Variants in SEMA6D observed in about 807,000 individuals in gnomAD.
The protein encoded by SEMA6D is semaphorin-6D.
Under a neutral mutation model 106.6 loss-of-function variants are expected in SEMA6D, and 35 were observed. The observed-to-expected ratio is 0.33, with a 90% CI of 0.25 to 0.44. The LOEUF (loss-of-function observed/expected upper bound fraction) is 0.44. SEMA6D is among the 20% of genes least tolerant of loss of function. The pLI, the probability that SEMA6D is intolerant of heterozygous loss-of-function variation, is 1.00. For missense variants in SEMA6D, 1,185 were observed against 1,345.9 expected, an observed-to-expected ratio of 0.88 and a Z score of 1.87; for synonymous variants, 499 against 487.7, an observed-to-expected ratio of 1.02 and a Z score of -0.31.
chr15:47,281,568 G>T (rs534776907), intron 1 of SEMA6D, among the ~76,000 whole-genome samples: 5 of 151,548 alleles, frequency 3.3e-5, no homozygotes, highest in Non-Finnish European at 7.4e-5. Flanking sequence ...TGATCCTGTC[G>T]TTATGATGTT....
At position 47,391,201 on chromosome 15, in the gene SEMA6D, C is replaced by T. The variant is rs1047006007; in HGVS notation, c.-238-21192C>T. 2.6e-5 allele frequency among the ~76,000 whole-genome samples: 4 copies of T among 152,322 alleles called. No individual in the cohort carries two copies. The South Asian group carries it at 8.3e-4, about 32-fold the overall frequency. ...GTAAGTCACCAGTAACCCACACAATCAGCCTCCTTTCCTCTGCTCTCTGAG... is the reference window on the plus strand; with the variant it reads ...GTAAGTCACCAGTAACCCACACAATTAGCCTCCTTTCCTCTGCTCTCTGAG... On this transcript the variant is annotated intron_variant, in intron 1 of 19. Transcript: ENST00000558014.
At chr15:47,561,561 T>C (rs541428872) in intron 3 of SEMA6D, among the ~76,000 whole-genome samples, 1 of 151,672 alleles carries the variant, frequency 6.6e-6, no homozygotes, top group East Asian at 1.9e-4. Context: ...GAATACAGGA[T>C]ATTTTAAATA....
Position 47,764,009 on chromosome 15 carries a change from A to G in SEMA6D, c.907A>G (p.Ile303Val), listed in dbSNP as rs1432590031. 2 of 1,613,960 alleles carry G rather than the reference A, an allele frequency of 1.2e-6. No homozygotes were observed. Among genetic ancestry groups the G allele is most frequent in the South Asian group, 1.1e-5 (1 of 91,078 alleles). Residue 303 changes from isoleucine (I) to valine (V), a missense_variant, in exon 10 of 19, where the codon ATA becomes GTA. Coordinates refer to ENST00000536845, the MANE Select transcript of SEMA6D (RefSeq NM_001358351.3). ...YFDVLQSITD[I>V]IQINGIPTVV... ...TGATGTTCTGCAGTCTATTACAGACATAATACAAATCAATGGCATCCCCAC... is the reference window on the plus strand; with the variant it reads ...TGATGTTCTGCAGTCTATTACAGACGTAATACAAATCAATGGCATCCCCAC...
chr15:47,648,479 A>AGAAT (rs112820950), intron 4 of SEMA6D, among the ~76,000 whole-genome samples: 1,790 of 151,050 alleles, frequency 0.012, 18 homozygotes, highest in South Asian at 0.046. Flanking sequence ...ACTGGGTTGG[A>AGAAT]GAATGAATGA....
chr15:47,503,594 G>T (rs1417165109), intron 3 of SEMA6D, among the ~76,000 whole-genome samples: 2 of 152,042 alleles, frequency 1.3e-5, no homozygotes, highest in South Asian at 4.1e-4. Flanking sequence ...GTTCCACCAT[G>T]TAGATATGGC....
intron 1 of SEMA6D, among the ~76,000 whole-genome samples, chr15:47,227,419 C>CTCTTTCTTTCTTTCTT (rs10652948): frequency 2.9e-4 from 34 of 115,422 alleles, no homozygotes; most frequent in African/African-American, 9.3e-4. Flanking sequence ...TTCTTTCTTT[C>CTCTTTCTTTCTTTCTT]TCTTTCTTTC....
intron 2 of SEMA6D, among the ~76,000 whole-genome samples, chr15:47,461,724 A>G (rs868223705): frequency 6.6e-6 from 1 of 152,182 alleles, no homozygotes; most frequent in South Asian, 2.1e-4. Flanking sequence ...TAGTCCTCAT[A>G]TGTTAATTTA....
At chr15:47,555,147 A>G (rs151289347) in intron 3 of SEMA6D, among the ~76,000 whole-genome samples, 1,524 of 152,310 alleles carry the variant, frequency 0.01, 10 homozygotes, top group Admixed American at 0.021. Context: ...ATGTTGAACC[A>G]GTTCTAATGA....
intron 1 of SEMA6D, among the ~76,000 whole-genome samples, chr15:47,189,692 CAG>C (rs1893830922): frequency 2.0e-5 from 3 of 152,126 alleles, no homozygotes; most frequent in African/African-American, 7.2e-5. Flanking sequence ...ATCTTGATTA[CAG>C]TTAATGTTAA....
At position 47,771,899 on chromosome 15, in the gene SEMA6D, G is replaced by T. The variant is rs1015863098; in HGVS notation, c.*114G>T. On this transcript the variant is annotated 3_prime_UTR_variant, in exon 19 of 19. Transcript: ENST00000536845. ...GCTTGTATTTTAAGAGAACCAAGTGGCCAAAGAAACTCTTTCTAACTTTGG... is the reference window on the plus strand; with the variant it reads ...GCTTGTATTTTAAGAGAACCAAGTGTCCAAAGAAACTCTTTCTAACTTTGG... The T allele has an allele frequency of 4.3e-6, 5 of 1,158,046 alleles. No homozygotes were observed. Among genetic ancestry groups the T allele is most frequent in the Middle Eastern group, 2.2e-4 (1 of 4,490 alleles). 71.7% of individuals were successfully genotyped at this position (1,158,046 alleles called of 1,614,324 possible).
chr15:47,502,700 T>C (rs2043894413), intron 3 of SEMA6D, among the ~76,000 whole-genome samples: 1 of 152,244 alleles, frequency 6.6e-6, no homozygotes, highest in Non-Finnish European at 1.5e-5. Flanking sequence ...CAAACTCATT[T>C]AGATCATAAA....
chr15:47,430,047 T>A (rs1293304816), intron 2 of SEMA6D, among the ~76,000 whole-genome samples: 1 of 152,136 alleles, frequency 6.6e-6, no homozygotes, highest in Non-Finnish European at 1.5e-5. Context: ...CCAACCTGAT[T>A]CAGCAGTGAT....
At chr15:47,322,066 A>G (rs1053814841) in intron 1 of SEMA6D, among the ~76,000 whole-genome samples, 10 of 152,200 alleles carry the variant, frequency 6.6e-5, no homozygotes, top group Admixed American at 1.3e-4. Context: ...CATCTATTGA[A>G]TAAGACTCCA....
intron 1 of SEMA6D, among the ~76,000 whole-genome samples, chr15:47,190,810 A>G (rs767791103): frequency 3.5e-4 from 53 of 152,184 alleles, no homozygotes; most frequent in Admixed American, 6.5e-4. Context: ...TTAAATGTCT[A>G]TCTTTTCTTA....
At chr15:47,421,469 A>G (rs774589178) in intron 2 of SEMA6D, among the ~76,000 whole-genome samples, 1 of 152,122 alleles carries the variant, frequency 6.6e-6, no homozygotes, top group East Asian at 1.9e-4. Flanking sequence ...ATAAATATGC[A>G]CTAATAATTT....
chr15:47,707,233 C>T (rs2078929502), intron 4 of SEMA6D, among the ~76,000 whole-genome samples: 1 of 152,152 alleles, frequency 6.6e-6, no homozygotes, highest in African/African-American at 2.4e-5. Context: ...AGTTCATTTA[C>T]ACTTTAGCAG....
At chr15:47,283,291 T>C (rs1230965504) in intron 1 of SEMA6D, among the ~76,000 whole-genome samples, 1 of 152,174 alleles carries the variant, frequency 6.6e-6, no homozygotes. Flanking sequence ...TGTGTGTATA[T>C]GTTTTTTCAC....
chr15:47,662,001 C>CT (rs1284383438), intron 4 of SEMA6D, among the ~76,000 whole-genome samples: 1 of 152,176 alleles, frequency 6.6e-6, no homozygotes, highest in Admixed American at 6.5e-5. Flanking sequence ...TTGTTACAGT[C>CT]TTCAGATGTG....
At chr15:47,363,610 G>GA (rs1238728383) in intron 1 of SEMA6D, among the ~76,000 whole-genome samples, 1 of 152,196 alleles carries the variant, frequency 6.6e-6, no homozygotes, top group Non-Finnish European at 1.5e-5. Flanking sequence ...AAAGTGGAAT[G>GA]AAAGTGCTGA....
Sources: gnomAD v4.1 joint callset for allele counts (sites outside exome capture counted in the v4.1 genomes callset) on GRCh38, gnomAD v4.1.1 for gene constraint, MANE v1.5 for transcripts, NCBI Gene and HGNC (gene_info 2026-07-23, HGNC 2026-07-21) for gene names.